Variants in UBR2 observed in about 807,000 individuals in gnomAD.
The protein encoded by UBR2 is ubiquitin protein ligase E3 component n-recognin 2.
In UBR2, 92 loss-of-function variants were observed where a neutral mutation model predicts 247.9. That is an observed-to-expected ratio of 0.37 (90% CI 0.31 to 0.44). The LOEUF is 0.44. UBR2 is among the 20% of genes least tolerant of loss of function. The pLI, the probability that UBR2 is intolerant of heterozygous loss-of-function variation, is 1.00. For synonymous variants in UBR2, 672 were observed against 693.5 expected, an observed-to-expected ratio of 0.97 and a Z score of 0.49; for missense variants, 1,613 against 2,112.6, an observed-to-expected ratio of 0.76 and a Z score of 4.64.
At chr6:42,567,873 C>T (rs1339872991) in intron 1 of UBR2, among the ~76,000 whole-genome samples, 1 of 151,410 alleles carries the variant, frequency 6.6e-6, no homozygotes, top group Non-Finnish European at 1.5e-5. Flanking sequence ...CCTGTCTCTA[C>T]TAAAAAAAAA....
chr6:42,631,905 A>C (rs1344966027), intron 11 of UBR2, among the ~76,000 whole-genome samples: 3 of 111,420 alleles, frequency 2.7e-5, no homozygotes, highest in African/African-American at 1.1e-4. Flanking sequence ...CAGGTTCTGT[A>C]ATTATATATA....
intron 2 of UBR2, among the ~76,000 whole-genome samples, chr6:42,578,972 AACACACAC>A (rs35575176): frequency 1.1e-4 from 17 of 148,908 alleles, no homozygotes; most frequent in Non-Finnish European, 1.8e-4. Context: ...CACACACACA[AACACACAC>A]ACACACACAC....
intron 42 of UBR2, among the ~76,000 whole-genome samples, chr6:42,680,681 A>G (rs745497533): frequency 6.6e-6 from 1 of 152,188 alleles, no homozygotes; most frequent in Non-Finnish European, 1.5e-5. Context: ...TGGCCTGTCA[A>G]TCATGTCAAG....
At position 42,612,194 on chromosome 6, in the gene UBR2, G is replaced by A. The variant is rs749011972; in HGVS notation, c.888G>A (p.Lys296=). 23 of 1,545,300 alleles carry A rather than the reference G, an allele frequency of 1.5e-5. No individual in the cohort carries two copies. The highest frequency in any genetic ancestry group is 2.0e-5 in the Non-Finnish European group (23 of 1,130,776). Residue 296 remains lysine, a synonymous_variant, in exon 8 of 47, where the codon AAG becomes AAA. Coordinates refer to ENST00000372901, the MANE Select transcript of UBR2 (RefSeq NM_001363705.2). ...AGAGAAATACCAGTAGACAGACAAA[G>A]CCACTCAAAGTTCAAGTTATGCATT... ...VIVRNTSRQT[K]PLKVQVMHSS...
chr6:42,662,369 A>G (rs3736745), intron 31 of UBR2, 92 bp downstream of exon 31: 215,827 of 792,104 alleles, frequency 0.27, 31,168 homozygotes, highest in East Asian at 0.45. Context: ...AAAAAAGGAA[A>G]AGAACTAAAA....
chr6:42,649,775 T>G (rs1426719280), intron 22 of UBR2, among the ~76,000 whole-genome samples: 1 of 146,878 alleles, frequency 6.8e-6, no homozygotes, highest in African/African-American at 2.6e-5. Flanking sequence ...CAATTCTTAT[T>G]TAATACATCA....
rs556642102 is a variant in UBR2, at chr6:42,635,312, A to G, written c.1546-106A>G. 2.1e-5 allele frequency: 25 copies of G among 1,167,028 alleles called. No homozygotes were observed. In the East Asian group the frequency reaches 5.2e-4, roughly 24 times the overall value. 72.3% of individuals were successfully genotyped at this position (1,167,028 alleles called of 1,614,324 possible). A position where few individuals can be genotyped will look rare whatever the true frequency, so the allele number is the denominator to read the frequency against. ...TTTCCTGTTAAAACTTATACCTTCT[A>G]TGTTTTTATAATCAATATATATTTC... On this transcript the variant is annotated intron_variant, in intron 13 of 46. Coordinates refer to ENST00000372901, the MANE Select transcript of UBR2 (RefSeq NM_001363705.2).
At chr6:42,601,169 A>G (rs866922161) in intron 4 of UBR2, among the ~76,000 whole-genome samples, 2 of 152,326 alleles carry the variant, frequency 1.3e-5, no homozygotes, top group South Asian at 4.1e-4. Flanking sequence ...ACTGTAAGAA[A>G]TGGAATGACT....
chr6:42,632,069 A>AAATATATAT (rs56721828), intron 11 of UBR2, among the ~76,000 whole-genome samples: 61 of 114,076 alleles, frequency 5.3e-4, no homozygotes, highest in African/African-American at 2.0e-3. Flanking sequence ...AAAAAAAAAA[A>AAATATATAT]ATATATATAT....
At chr6:42,586,538 C>CTTTTTTTTTTTTTTTTTTTTTGTTTT (rs147830824) in intron 2 of UBR2, among the ~76,000 whole-genome samples, 1 of 97,256 alleles carries the variant, frequency 1.0e-5, no homozygotes, top group Non-Finnish European at 1.9e-5. Context: ...GTTTGTCTCT[C>CTTTTTTTTTTTTTTTTTTTTTGTTTT]TTTTTTTTTT....
chr6:42,685,953 C>G (rs936417570), intron 44 of UBR2, among the ~76,000 whole-genome samples: 1 of 152,154 alleles, frequency 6.6e-6, no homozygotes, highest in Non-Finnish European at 1.5e-5. Context: ...TGTCTCTTCT[C>G]TGTTGCCTCT....
chr6:42,609,801 A>G (rs914900438), intron 7 of UBR2, among the ~76,000 whole-genome samples: 7 of 151,938 alleles, frequency 4.6e-5, no homozygotes, highest in Non-Finnish European at 8.8e-5. Context: ...AAGCTAAGGT[A>G]AGAGGATTGC....
intron 11 of UBR2, among the ~76,000 whole-genome samples, chr6:42,627,836 T>G (rs1795451515): frequency 6.6e-6 from 1 of 152,130 alleles, no homozygotes; most frequent in Non-Finnish European, 1.5e-5. Flanking sequence ...TTTAAAGTCT[T>G]TGTTTTAAAG....
chr6:42,644,467 T>C lies in UBR2; in HGVS notation c.2221-6T>C, dbSNP rs765085302. On this transcript the variant is annotated splice_polypyrimidine_tract_variant and splice_region_variant and intron_variant, in intron 19 of 46. Transcript: ENST00000372901. ...TCTGAACTTTATCTTCCCTCACTTG[T>C]TATAGGATGTTGTTCAGCAGAACAA... 9 of 1,611,422 alleles carry C rather than the reference T, an allele frequency of 5.6e-6. No homozygotes were observed. Among genetic ancestry groups the C allele is most frequent in the Non-Finnish European group, 7.6e-6 (9 of 1,178,848 alleles).
chr6:42,617,271 A>C lies in UBR2; in HGVS notation c.1183-138A>C, dbSNP rs1231926101. ...CAGCAGTTGCAGAGAGATTTTATGG[A>C]GGATGATCACGAGCGAGCAGTGTCG... On this transcript the variant is annotated intron_variant, in intron 10 of 46. Transcript: ENST00000372901. 5 of 1,614,030 alleles carry C rather than the reference A, an allele frequency of 3.1e-6. No individual in the cohort carries two copies. In the African/African-American group the frequency reaches 5.3e-5, roughly 17 times the overall value.
At chr6:42,608,878 G>A (rs1793885666) in intron 7 of UBR2, among the ~76,000 whole-genome samples, 1 of 152,024 alleles carries the variant, frequency 6.6e-6, no homozygotes, top group South Asian at 2.1e-4. Flanking sequence ...AAATTTTAAT[G>A]TAGCAAAAGA....
chr6:42,676,304 G>T, intron 39 of UBR2, 113 bp downstream of exon 39: 1 of 1,169,896 alleles, frequency 8.5e-7, no homozygotes, highest in Non-Finnish European at 1.2e-6. Context: ...GAATAAGGCT[G>T]TTTTTTTCTG....
chr6:42,609,523 A>T (rs1159081751), intron 7 of UBR2, among the ~76,000 whole-genome samples: 6 of 152,176 alleles, frequency 3.9e-5, no homozygotes, highest in African/African-American at 7.2e-5. Context: ...AATATATGTT[A>T]TAGAGAAAGG....
Position 42,674,207 on chromosome 6 carries a change from AGTTT to A in UBR2, c.4251+20_4251+23del. 6.2e-7 allele frequency: 1 copy of A among 1,611,404 alleles called. No homozygotes were observed. Among genetic ancestry groups the A allele is most frequent in the Admixed American group, 1.7e-5 (1 of 59,472 alleles). On this transcript the variant is annotated intron_variant, in intron 38 of 46. Coordinates refer to ENST00000372901, the MANE Select transcript of UBR2 (RefSeq NM_001363705.2). Reference sequence around the variant, plus strand: ...TTTCATTTATTGGTGGGTATTGTGCAGTTTGTTTGGACTTCTACGTCATACTATG... The same window carrying A: ...TTTCATTTATTGGTGGGTATTGTGCAGTTTGGACTTCTACGTCATACTATG...
Sources: gnomAD v4.1 joint callset for allele counts (sites outside exome capture counted in the v4.1 genomes callset) on GRCh38, gnomAD v4.1.1 for gene constraint, MANE v1.5 for transcripts, NCBI Gene and HGNC (gene_info 2026-07-23, HGNC 2026-07-21) for gene names.